The following PRKACB variants were observed in gnomAD, a reference collection of about 807,000 sequenced individuals.
PRKACB encodes the protein cAMP-dependent protein kinase catalytic subunit beta.
A neutral mutation model predicts 51.4 loss-of-function variants in PRKACB; 16 were observed. That is an observed-to-expected ratio of 0.31 (90% confidence interval 0.21 to 0.47). The LOEUF is 0.47. PRKACB is among the 20% of genes least tolerant of loss of function. The probability of loss-of-function intolerance (pLI) is 1.00; values close to 1 mark genes in which losing one functional copy is unlikely to be tolerated. For synonymous variants in PRKACB, 147 were observed against 154.4 expected (o/e 0.95, Z 0.35); for missense variants, 309 against 464.5 (o/e 0.67, Z 3.08).
intron 1 of PRKACB, among the ~76,000 whole-genome samples, chr1:84,155,572 G>A (rs757923766): frequency 1.1e-4 from 16 of 152,158 alleles, no homozygotes; most frequent in Non-Finnish European, 2.1e-4. Context: ...AATCTTGAAC[G>A]AAAACTTTTT....
intron 1 of PRKACB, among the ~76,000 whole-genome samples, chr1:84,091,014 G>A (rs910357206): frequency 3.3e-5 from 5 of 151,756 alleles, no homozygotes; most frequent in South Asian, 2.1e-4. Flanking sequence ...TTTAAAAAAC[G>A]TGTACCCCTT....
At chr1:84,131,645 G>T (rs1213708021) in intron 1 of PRKACB, among the ~76,000 whole-genome samples, 3 of 152,136 alleles carry the variant, frequency 2.0e-5, no homozygotes, top group Non-Finnish European at 4.4e-5. Flanking sequence ...TGAGATTGCA[G>T]GGCAACCACT....
intron 1 of PRKACB, among the ~76,000 whole-genome samples, chr1:84,160,538 T>C (rs1487365217): frequency 6.8e-6 from 1 of 147,650 alleles, no homozygotes; most frequent in African/African-American, 2.5e-5. Flanking sequence ...TTCTATATAT[T>C]TTACTGAATA....
intron 1 of PRKACB, chr1:84,164,193 A>T: frequency 8.4e-7 from 1 of 1,188,684 alleles, no homozygotes. Context: ...ATAACACAGA[A>T]TGTTTAAATG....
intron 6 of PRKACB, 142 bp downstream of exon 6, chr1:84,196,884 A>C: frequency 1.1e-6 from 1 of 906,574 alleles, no homozygotes; most frequent in Non-Finnish European, 1.6e-6. Context: ...TTTTGCTGCT[A>C]TTACAGAGAA....
intron 1 of PRKACB, among the ~76,000 whole-genome samples, chr1:84,130,931 A>G (rs1010340034): frequency 2.0e-5 from 3 of 152,226 alleles, no homozygotes; most frequent in African/African-American, 7.2e-5. Context: ...AATGGTAGAA[A>G]TAAAAAGTTA....
chr1:84,108,265 C>A (rs945203818), intron 1 of PRKACB, among the ~76,000 whole-genome samples: 1 of 151,628 alleles, frequency 6.6e-6, no homozygotes, highest in African/African-American at 2.4e-5. Context: ...TAAGTGGGAG[C>A]TAAATAATGA....
chr1:84,092,500 G>A (rs35760860), intron 1 of PRKACB, among the ~76,000 whole-genome samples: 7,292 of 152,128 alleles, frequency 0.048, 238 homozygotes, highest in Middle Eastern at 0.11. Flanking sequence ...GTAAATATAT[G>A]TATGTTTTGG....
chr1:84,143,755 A>G (rs774190701), upstream of PRKACB, among the ~76,000 whole-genome samples: 1 of 152,212 alleles, frequency 6.6e-6, no homozygotes, highest in Non-Finnish European at 1.5e-5. Context: ...TTAGGCCTAA[A>G]TCAATGAATT....
At chr1:84,085,855 C>A in intron 1 of PRKACB, 1 of 565,896 alleles carries the variant, frequency 1.8e-6, no homozygotes, top group South Asian at 2.5e-5. Flanking sequence ...ACAGTGCAGT[C>A]CTGGTGGCCT....
intron 1 of PRKACB, among the ~76,000 whole-genome samples, chr1:84,094,621 A>T (rs1268285850): frequency 6.6e-6 from 1 of 151,976 alleles, no homozygotes; most frequent in Non-Finnish European, 1.5e-5. Flanking sequence ...GGTCACCTTT[A>T]TAGCCATATA....
chr1:84,172,958 G>A (rs947163358), intron 1 of PRKACB, among the ~76,000 whole-genome samples: 1 of 151,650 alleles, frequency 6.6e-6, no homozygotes, highest in African/African-American at 2.4e-5. Context: ...TACAACTGAA[G>A]TATTAAAGTT....
intron 1 of PRKACB, among the ~76,000 whole-genome samples, chr1:84,121,500 C>T (rs919960432): frequency 4.6e-5 from 7 of 152,032 alleles, no homozygotes; most frequent in African/African-American, 1.7e-4. Context: ...CTGTACATTA[C>T]CCCTAAACTT....
At chr1:84,101,725 CTG>C (rs779005441) in intron 1 of PRKACB, among the ~76,000 whole-genome samples, 2 of 152,138 alleles carry the variant, frequency 1.3e-5, no homozygotes, top group Non-Finnish European at 2.9e-5. Flanking sequence ...AAGCTAGTTA[CTG>C]TATTTGAGCA....
At chr1:84,164,958 G>A (rs761984168) in intron 1 of PRKACB, 1 of 1,541,074 alleles carries the variant, frequency 6.5e-7, no homozygotes, top group South Asian at 1.2e-5. Context: ...TCCCTTTGCT[G>A]TTGGATTGTT....
At chr1:84,214,376 G>T in intron 9 of PRKACB, 59 bp downstream of exon 9, 2 of 1,407,894 alleles carry the variant, frequency 1.4e-6, no homozygotes, top group Non-Finnish European at 1.9e-6. Context: ...AATTATATGT[G>T]GTGGAGATAT....
intron 1 of PRKACB, among the ~76,000 whole-genome samples, chr1:84,150,623 A>G (rs1408053967): frequency 6.6e-6 from 1 of 151,950 alleles, no homozygotes; most frequent in East Asian, 1.9e-4. Context: ...CAAACATGGC[A>G]CTTCCCCCTC....
chr1:84,095,821 T>C (rs1648884522), intron 1 of PRKACB, among the ~76,000 whole-genome samples: 1 of 152,022 alleles, frequency 6.6e-6, no homozygotes, highest in African/African-American at 2.4e-5. Context: ...TCTCTAGATT[T>C]TCCAGTTGAT....
chr1:84,125,370 C>A (rs1432644711), intron 1 of PRKACB, among the ~76,000 whole-genome samples: 3 of 152,194 alleles, frequency 2.0e-5, no homozygotes, highest in Non-Finnish European at 4.4e-5. Flanking sequence ...CTGCTCCTAG[C>A]TGGACAAGGT....
Sources: gnomAD v4.1 joint callset for allele counts (sites outside exome capture counted in the v4.1 genomes callset) on GRCh38, gnomAD v4.1.1 for gene constraint, MANE v1.5 for transcripts, NCBI Gene and HGNC (gene_info 2026-07-23, HGNC 2026-07-21) for gene names.